CCDC3: variants seen among roughly 807,000 people sequenced by gnomAD.
The protein encoded by CCDC3 is coiled-coil domain containing 3.
A neutral mutation model predicts 21.4 loss-of-function variants in CCDC3; 24 were observed. That is an observed-to-expected ratio of 1.12 (90% CI 0.81 to 1.58). CCDC3 has a LOEUF of 1.58. Among genes scored for constraint, CCDC3 ranks in the 40% most tolerant of loss-of-function variants. The pLI is 0.00. For synonymous variants in CCDC3, 186 were observed against 166.0 expected, an observed-to-expected ratio of 1.12 and a Z score of -0.93; for missense variants, 425 against 360.9, an observed-to-expected ratio of 1.18 and a Z score of -1.44.
chr10:12,931,193 A>G (rs1834634389), intron 2 of CCDC3, among the ~76,000 whole-genome samples: 1 of 137,280 alleles, frequency 7.3e-6, no homozygotes, highest in African/African-American at 2.8e-5. Context: ...CCTGGGCCAC[A>G]GAGCAAGACT....
At chr10:12,923,677 A>C (rs1834489847) in intron 2 of CCDC3, among the ~76,000 whole-genome samples, 1 of 150,826 alleles carries the variant, frequency 6.6e-6, no homozygotes. Context: ...TCCTTTTTTC[A>C]CCTCCATGCA....
At chr10:13,078,292 A>T (rs1022505082) in intron 3 of CCDC3, among the ~76,000 whole-genome samples, 1 of 152,206 alleles carries the variant, frequency 6.6e-6, no homozygotes, top group South Asian at 2.1e-4. Flanking sequence ...GAGAAATGCA[A>T]ATCAAAACCA....
chr10:12,983,152 A>ATATATATATATC, intron 2 of CCDC3, among the ~76,000 whole-genome samples: 1 of 65,080 alleles, frequency 1.5e-5, no homozygotes, highest in South Asian at 5.3e-4. Flanking sequence ...ATATATATAT[A>ATATATATATATC]TATATATATA....
intron 2 of CCDC3, among the ~76,000 whole-genome samples, chr10:12,983,668 CAAA>C (rs34200519): frequency 8.1e-4 from 109 of 134,922 alleles, no homozygotes; most frequent in African/African-American, 2.6e-3. Context: ...AAAGAAGTGG[CAAA>C]AAAAAAAAAA....
chr10:13,016,704 T>C (rs1836066769), intron 5 of CCDC3, among the ~76,000 whole-genome samples: 1 of 152,182 alleles, frequency 6.6e-6, no homozygotes. Context: ...AAGTGGGGCC[T>C]CCTTCCTAAG....
intron 2 of CCDC3, among the ~76,000 whole-genome samples, chr10:12,919,491 T>A (rs985106786): frequency 6.7e-6 from 1 of 150,068 alleles, no homozygotes; most frequent in South Asian, 2.1e-4. Flanking sequence ...TTGGGAGGCT[T>A]AGGCAGGAGA....
At chr10:12,938,370 C>A (rs2131235234) in intron 2 of CCDC3, among the ~76,000 whole-genome samples, 1 of 152,330 alleles carries the variant, frequency 6.6e-6, no homozygotes, top group South Asian at 2.1e-4. Flanking sequence ...ATGGATAATG[C>A]ATCCAGCACT....
chr10:12,986,517 G>A (rs1418229562), intron 2 of CCDC3, among the ~76,000 whole-genome samples: 6 of 152,162 alleles, frequency 3.9e-5, no homozygotes, highest in African/African-American at 1.4e-4. Flanking sequence ...GTTCACGCCT[G>A]TAATCCCAGC....
At chr10:13,072,673 TTTTTC>T (rs139870093) in intron 4 of CCDC3, among the ~76,000 whole-genome samples, 30,111 of 150,716 alleles carry the variant, frequency 0.2, 3,569 homozygotes, top group East Asian at 0.29. Context: ...TTTGCTGAGT[TTTTTC>T]TTTTTTTTTC....
At chr10:13,095,437 G>A (rs181152735) in intron 3 of CCDC3, among the ~76,000 whole-genome samples, 52 of 148,160 alleles carry the variant, frequency 3.5e-4, no homozygotes, top group Non-Finnish European at 7.2e-4. Flanking sequence ...GGTGGTGGGT[G>A]GGGGGGTGGT....
At chr10:13,028,046 T>C (rs999253280) in intron 5 of CCDC3, among the ~76,000 whole-genome samples, 2 of 152,156 alleles carry the variant, frequency 1.3e-5, no homozygotes, top group South Asian at 2.1e-4. Context: ...GCTACTACAA[T>C]ATATAGTTTA....
intron 4 of CCDC3, chr10:13,058,276 G>A (rs1477219322): frequency 1.5e-6 from 2 of 1,367,674 alleles, no homozygotes; most frequent in African/African-American, 1.4e-5. Flanking sequence ...GACCATCAAT[G>A]CTTTCCACAT....
intron 3 of CCDC3, among the ~76,000 whole-genome samples, chr10:13,080,218 C>T (rs563102809): frequency 3.4e-4 from 52 of 151,472 alleles, no homozygotes; most frequent in Admixed American, 2.4e-3. Context: ...AGAGCGAGAG[C>T]GAGCAAATGA....
intron 4 of CCDC3, among the ~76,000 whole-genome samples, chr10:13,055,430 C>T (rs1836669128): frequency 1.3e-5 from 2 of 151,618 alleles, no homozygotes; most frequent in African/African-American, 4.9e-5. Flanking sequence ...CTCCTGGGCT[C>T]AAAGTGATCT....
chr10:13,063,371 T>G (rs527485722), intron 4 of CCDC3, among the ~76,000 whole-genome samples: 2 of 142,192 alleles, frequency 1.4e-5, no homozygotes, highest in Admixed American at 1.4e-4. Flanking sequence ...TATCAATACA[T>G]CTCCAGTCTT....
At chr10:13,082,555 G>A (rs1397360316) in intron 3 of CCDC3, among the ~76,000 whole-genome samples, 1 of 152,202 alleles carries the variant, frequency 6.6e-6, no homozygotes, top group Non-Finnish European at 1.5e-5. Context: ...AGGTGGTGGA[G>A]CAGAGTCTTC....
chr10:13,047,729 A>G (rs1426547048), intron 5 of CCDC3, among the ~76,000 whole-genome samples: 1 of 152,142 alleles, frequency 6.6e-6, no homozygotes, highest in Middle Eastern at 3.2e-3. Flanking sequence ...CCTGTTAGCC[A>G]TGGGCCTCTC....
intron 2 of CCDC3, among the ~76,000 whole-genome samples, chr10:12,903,925 T>C (rs932155748): frequency 2.0e-5 from 3 of 152,276 alleles, no homozygotes; most frequent in African/African-American, 7.2e-5. Context: ...GGTACAGAGA[T>C]AATCACTGTG....
chr10:13,052,914 C>T (rs983728264), intron 4 of CCDC3, among the ~76,000 whole-genome samples: 5 of 150,022 alleles, frequency 3.3e-5, no homozygotes, highest in Non-Finnish European at 5.9e-5. Context: ...TGCACTCCAG[C>T]CTGGGCAGTA....
Sources: allele counts gnomAD v4.1 joint callset (sites outside exome capture counted in the v4.1 genomes callset), GRCh38; gene constraint gnomAD v4.1.1; transcripts MANE v1.5; gene names NCBI Gene and HGNC (gene_info 2026-07-23, HGNC 2026-07-21).